The following SOX5 variants were observed in gnomAD, a reference collection of about 807,000 sequenced individuals.
SOX5 encodes the protein SRY-box transcription factor 5.
In SOX5, 9 loss-of-function variants were observed where a neutral mutation model predicts 92.0. The observed-to-expected ratio is 0.10, with a 90% CI of 0.06 to 0.17. The LOEUF (loss-of-function observed/expected upper bound fraction) is 0.17, where lower values mean the gene tolerates loss of function less well. Ranked by LOEUF, SOX5 falls within the 10% of genes least tolerant of loss-of-function variation. The pLI is 1.00. For missense variants in SOX5, 642 were observed against 944.5 expected (o/e 0.68, Z 4.20); for synonymous variants, 344 against 336.3 (o/e 1.02, Z -0.25).
At chr12:24,018,911 C>T (rs1362586294) in intron 4 of SOX5, among the ~76,000 whole-genome samples, 1 of 152,194 alleles carries the variant, frequency 6.6e-6, no homozygotes, top group African/African-American at 2.4e-5. Flanking sequence ...CTCTAAAATA[C>T]TGCCCTTCAC....
At chr12:23,875,562 A>G (rs1276044683) in intron 2 of SOX5, among the ~76,000 whole-genome samples, 1 of 152,164 alleles carries the variant, frequency 6.6e-6, no homozygotes, top group Non-Finnish European at 1.5e-5. Context: ...CAAAGGAAGG[A>G]AAGAAGGAAA....
chr12:24,308,046 G>T (rs964664097), intron 2 of SOX5, among the ~76,000 whole-genome samples: 3 of 152,128 alleles, frequency 2.0e-5, no homozygotes, highest in African/African-American at 7.2e-5. Flanking sequence ...ACAGAAGCTG[G>T]TGATAAGCAG....
intron 3 of SOX5, among the ~76,000 whole-genome samples, chr12:24,262,198 G>A (rs541036022): frequency 6.6e-6 from 1 of 152,164 alleles, no homozygotes; most frequent in East Asian, 1.9e-4. Flanking sequence ...ATTCTGCAAC[G>A]AACGAAATTC....
intron 3 of SOX5, among the ~76,000 whole-genome samples, chr12:23,803,792 A>C (rs2095708316): frequency 6.6e-6 from 1 of 152,214 alleles, no homozygotes; most frequent in Admixed American, 6.5e-5. Flanking sequence ...AACCATAAGA[A>C]AGTCCTTCCC....
At chr12:23,884,626 T>TA (rs539883256) in intron 2 of SOX5, among the ~76,000 whole-genome samples, 226 of 152,332 alleles carry the variant, frequency 1.5e-3, no homozygotes, top group African/African-American at 5.3e-3. Flanking sequence ...AAAATATTTT[T>TA]AAAAAGATTT....
At position 24,349,057 on chromosome 12, in the gene SOX5, G is replaced by GCTTCCTTTT. The variant is rs1194431415; in HGVS notation, c.-174+19497_-174+19505dup. On this transcript the variant is annotated intron_variant, in intron 2 of 4. Coordinates refer to the SOX5 transcript ENST00000446891. The stretch of plus-strand genomic sequence containing the variant: ...GGCAGTGTGAGAATGGACTAATACA[G>GCTTCCTTTT]CTTCCTTTTCATTTAAACATACCCA... Among the ~76,000 whole-genome samples the GCTTCCTTTT allele has an allele frequency of 8.5e-5, 13 of 152,312 alleles. No individual in the cohort carries two copies. In the East Asian group the frequency reaches 2.5e-3, roughly 29 times the overall value.
intron 1 of SOX5, among the ~76,000 whole-genome samples, chr12:24,409,695 C>A (rs1463813146): frequency 1.3e-5 from 2 of 152,170 alleles, no homozygotes. Context: ...TCCTTGTCAG[C>A]ATTTGATATT....
chr12:24,365,501 T>C (rs1956075193), intron 2 of SOX5, among the ~76,000 whole-genome samples: 1 of 151,906 alleles, frequency 6.6e-6, no homozygotes, highest in Non-Finnish European at 1.5e-5. Context: ...GATTGACCTA[T>C]ACCTTCTATC....
intron 3 of SOX5, among the ~76,000 whole-genome samples, chr12:23,767,322 AAG>A (rs1463843088): frequency 1.3e-5 from 2 of 152,142 alleles, no homozygotes; most frequent in Non-Finnish European, 1.5e-5. Flanking sequence ...GCAAACAGAA[AAG>A]AGAAACTCCT....
intron 6 of SOX5, among the ~76,000 whole-genome samples, chr12:23,726,286 G>A (rs1278137469): frequency 2.0e-5 from 3 of 152,148 alleles, no homozygotes. Context: ...ATATGTTAGA[G>A]ATGTCTGGAA....
intron 1 of SOX5, among the ~76,000 whole-genome samples, chr12:24,547,528 A>T (rs1566444126): frequency 6.6e-6 from 1 of 152,232 alleles, no homozygotes. Context: ...ACAAGGAATA[A>T]ACATTTTACT....
rs192297186 is a variant in SOX5 at position 24,348,209 on chromosome 12, G to A, written c.-174+20354C>T. ...ATAAAATGGATACTCTAAAGTTTGC[G>A]ATCTCCTAAGACACAGAGTCTTTGG... On this transcript the variant is annotated intron_variant, in intron 2 of 4. Coordinates refer to the SOX5 transcript ENST00000446891. Among the ~76,000 whole-genome samples the A allele has an allele frequency of 1.9e-3, 282 of 151,978 alleles. 1 individual carries two copies. Among genetic ancestry groups the A allele is most frequent in the African/African-American group, 6.0e-3 (247 of 41,480 alleles).
At chr12:24,198,041 A>G (rs1957170912) in intron 4 of SOX5, among the ~76,000 whole-genome samples, 1 of 152,182 alleles carries the variant, frequency 6.6e-6, no homozygotes, top group African/African-American at 2.4e-5. Context: ...AACAAACTCC[A>G]TCTAACACAC....
At chr12:23,962,480 A>T (rs533514500) in intron 4 of SOX5, among the ~76,000 whole-genome samples, 1 of 152,328 alleles carries the variant, frequency 6.6e-6, no homozygotes, top group African/African-American at 2.4e-5. Context: ...GAACAAATGA[A>T]GGCATACTCC....
intron 1 of SOX5, among the ~76,000 whole-genome samples, chr12:24,515,012 G>A (rs777302637): frequency 5.9e-5 from 9 of 152,062 alleles, no homozygotes; most frequent in African/African-American, 1.2e-4. Flanking sequence ...GTTTACCTAC[G>A]TAACAAGCCT....
chr12:24,065,645 CAA>C (rs71445983), intron 4 of SOX5, among the ~76,000 whole-genome samples: 28,629 of 81,434 alleles, frequency 0.35, 3,282 homozygotes, highest in Middle Eastern at 0.44. Flanking sequence ...GACTCCATCT[CAA>C]AAAAAAAAAA....
chr12:23,667,144 GGA>G (rs1225022405), intron 6 of SOX5, among the ~76,000 whole-genome samples: 1 of 151,868 alleles, frequency 6.6e-6, no homozygotes, highest in Non-Finnish European at 1.5e-5. Flanking sequence ...GCAGAGAGAG[GGA>G]GAGAGAAAAG....
intron 3 of SOX5, among the ~76,000 whole-genome samples, chr12:23,776,629 CA>C (rs2095110952): frequency 6.6e-6 from 1 of 151,830 alleles, no homozygotes; most frequent in African/African-American, 2.4e-5. Flanking sequence ...TTTTTTTTAA[CA>C]GGGGGATGGT....
At chr12:24,121,885 CAAAAAAAAAAAAAAA>C (rs900951883) in intron 4 of SOX5, among the ~76,000 whole-genome samples, 12 of 48,260 alleles carry the variant, frequency 2.5e-4, no homozygotes, top group Admixed American at 5.4e-4. Flanking sequence ...GACTCTATCT[CAAAAAAAAAAAAAAA>C]AAAAAAAAAA....
Sources: gnomAD v4.1 joint callset for allele counts (sites outside exome capture counted in the v4.1 genomes callset) on GRCh38, gnomAD v4.1.1 for gene constraint, MANE v1.5 for transcripts, NCBI Gene and HGNC (gene_info 2026-07-23, HGNC 2026-07-21) for gene names.